SAMMSON: variants seen among roughly 807,000 people sequenced by gnomAD.
The protein encoded by SAMMSON is survival associated mitochondrial melanoma specific oncogenic non-coding RNA.
chr3:70,045,214 A>C (rs922404314), intron 3 of SAMMSON, among the ~76,000 whole-genome samples: 4 of 141,892 alleles, frequency 2.8e-5, no homozygotes, highest in African/African-American at 1.0e-4. Flanking sequence ...ATATAATTAA[A>C]GTATTTTATT....
intron 4 of SAMMSON, chr3:70,127,171 C>T (rs1397853726): frequency 6.6e-6 from 1 of 152,180 alleles, no homozygotes; most frequent in African/African-American, 2.4e-5. Flanking sequence ...AAATTGGTAT[C>T]TAAAGCAAAG....
chr3:70,073,387 C>G (rs1267924705), intron 4 of SAMMSON, among the ~76,000 whole-genome samples: 2 of 152,010 alleles, frequency 1.3e-5, no homozygotes, highest in Non-Finnish European at 2.9e-5. Flanking sequence ...GGAATGCCCA[C>G]TATGTGCTGG....
chr3:70,015,977 G>T (rs2066983290), intron 3 of SAMMSON, among the ~76,000 whole-genome samples: 1 of 152,142 alleles, frequency 6.6e-6, no homozygotes, highest in Non-Finnish European at 1.5e-5. Flanking sequence ...TGGACATTTG[G>T]GTTGGTTGCA....
intron 4 of SAMMSON, chr3:70,125,947 G>A: frequency 1.3e-6 from 1 of 756,432 alleles, no homozygotes; most frequent in South Asian, 1.5e-5. Flanking sequence ...AGGTGGCTGA[G>A]GAGATGTGGG....
At chr3:70,257,908 T>C (rs1240246753) in intron 6 of SAMMSON, among the ~76,000 whole-genome samples, 2 of 152,194 alleles carry the variant, frequency 1.3e-5, no homozygotes, top group African/African-American at 4.8e-5. Context: ...CATGACAGCA[T>C]GGTATTGGTG....
At chr3:70,196,905 G>C (rs556241083) in intron 4 of SAMMSON, 4 of 398,452 alleles carry the variant, frequency 1.0e-5, no homozygotes, top group Non-Finnish European at 1.8e-5. Flanking sequence ...AGGACTGCCG[G>C]AATGTGGTTA....
At chr3:70,209,386 C>T (rs183630980) in intron 4 of SAMMSON, among the ~76,000 whole-genome samples, 6 of 152,152 alleles carry the variant, frequency 3.9e-5, no homozygotes, top group African/African-American at 7.2e-5. Flanking sequence ...CACACACACA[C>T]GAACACACAC....
At position 70,339,267 on chromosome 3, in the gene SAMMSON, AC is replaced by A. The variant is rs1559567273; in HGVS notation, n.740-14907del. 2.6e-5 allele frequency among the ~76,000 whole-genome samples: 4 copies of A among 152,320 alleles called. No individual in the cohort carries two copies. The East Asian group carries it at 5.8e-4, about 22-fold the overall frequency. On this transcript the variant is annotated intron_variant and non_coding_transcript_variant, in intron 7 of 9. Coordinates refer to ENST00000642114, the Ensembl canonical transcript of SAMMSON. Reference sequence around the variant, plus strand: ...AAAATTAATTCAAGATGGATTAAAGACTTAAATGTTAGACCTAAAATCATAA... The same window carrying A: ...AAAATTAATTCAAGATGGATTAAAGATTAAATGTTAGACCTAAAATCATAA...
At chr3:70,053,999 C>T (rs970124700) in intron 3 of SAMMSON, among the ~76,000 whole-genome samples, 7 of 152,068 alleles carry the variant, frequency 4.6e-5, no homozygotes, top group African/African-American at 7.2e-5. Flanking sequence ...TACACTTTGT[C>T]TTCCTGCAGT....
At chr3:70,013,314 G>T (rs1441339371) in intron 2 of SAMMSON, among the ~76,000 whole-genome samples, 2 of 152,102 alleles carry the variant, frequency 1.3e-5, no homozygotes, top group Non-Finnish European at 2.9e-5. Context: ...AGCAATAAGA[G>T]TAGCCTCCTC....
chr3:70,427,737 CAAAAAAAA>C (rs34837077), intron 2 of SAMMSON, among the ~76,000 whole-genome samples: 2 of 102,924 alleles, frequency 1.9e-5, no homozygotes, highest in African/African-American at 3.8e-5. Context: ...AACTCCGTCT[CAAAAAAAA>C]AAAAAAAAAA....
At chr3:70,393,056 G>T (rs139467554), downstream of SAMMSON, among the ~76,000 whole-genome samples, 269 of 152,258 alleles carry the variant, frequency 1.8e-3, 1 homozygote, top group African/African-American at 6.0e-3. Context: ...GAGCAGAAAT[G>T]GAATATGGAC....
intron 1 of SAMMSON, among the ~76,000 whole-genome samples, chr3:70,005,485 C>A (rs1294109142): frequency 6.6e-6 from 1 of 152,018 alleles, no homozygotes; most frequent in Non-Finnish European, 1.5e-5. Flanking sequence ...CTGGCCCAAG[C>A]TTTTTTAGAG....
intron 4 of SAMMSON, among the ~76,000 whole-genome samples, chr3:70,087,814 C>T (rs1407990146): frequency 2.6e-5 from 4 of 152,050 alleles, no homozygotes; most frequent in Non-Finnish European, 5.9e-5. Context: ...GCAGTCACAG[C>T]TCTAAAAGAA....
intron 4 of SAMMSON, among the ~76,000 whole-genome samples, chr3:70,203,929 TTTTATTCAGG>T (rs1363547985): frequency 6.6e-6 from 1 of 152,112 alleles, no homozygotes; most frequent in Non-Finnish European, 1.5e-5. Context: ...ACACTTTCCA[TTTTATTCAGG>T]AAAGGGACCA....
At chr3:70,175,586 C>T (rs1701003174) in intron 4 of SAMMSON, among the ~76,000 whole-genome samples, 1 of 152,014 alleles carries the variant, frequency 6.6e-6, no homozygotes, top group Non-Finnish European at 1.5e-5. Flanking sequence ...AACCCCAAAT[C>T]TTCTGTGCTT....
chr3:70,314,615 C>A (rs781413822), intron 7 of SAMMSON, among the ~76,000 whole-genome samples: 26 of 152,052 alleles, frequency 1.7e-4, no homozygotes, highest in Admixed American at 1.6e-3. Flanking sequence ...CAATTAAGAA[C>A]CTGGAGAGAA....
chr3:70,293,083 C>T (rs1276643667), intron 7 of SAMMSON, among the ~76,000 whole-genome samples: 3 of 125,786 alleles, frequency 2.4e-5, no homozygotes, highest in Admixed American at 1.7e-4. Flanking sequence ...TAGCATATTA[C>T]ATGACGAGAA....
At chr3:70,019,959 CTG>C (rs1559774151) in intron 3 of SAMMSON, among the ~76,000 whole-genome samples, 1 of 152,268 alleles carries the variant, frequency 6.6e-6, no homozygotes, top group East Asian at 1.9e-4. Flanking sequence ...TGAATCCTCT[CTG>C]TGAAGAAATG....
Sources: gnomAD v4.1 joint callset for allele counts (sites outside exome capture counted in the v4.1 genomes callset) on GRCh38, gnomAD v4.1.1 for gene constraint, MANE v1.5 for transcripts, NCBI Gene and HGNC (gene_info 2026-07-23, HGNC 2026-07-21) for gene names.